CNTNAP2: variants seen among roughly 807,000 people sequenced by gnomAD.
The protein encoded by CNTNAP2 is contactin-associated protein-like 2.
CNTNAP2 carries 98 observed loss-of-function variants against 155.2 expected under a neutral mutation model. The ratio of observed to expected loss-of-function variants is 0.63; its 90% CI spans 0.54 to 0.75. The LOEUF is 0.75. CNTNAP2 is among the 30% of genes least tolerant of loss of function. CNTNAP2 has a pLI of 0.00. For missense variants in CNTNAP2, 1,727 were observed against 1,688.1 expected, an observed-to-expected ratio of 1.02 and a Z score of -0.40; for synonymous variants, 651 against 631.2, an observed-to-expected ratio of 1.03 and a Z score of -0.47.
chr7:146,387,641 G>T (rs768583106), intron 1 of CNTNAP2, among the ~76,000 whole-genome samples: 1 of 152,154 alleles, frequency 6.6e-6, no homozygotes, highest in Non-Finnish European at 1.5e-5. Flanking sequence ...AAACCCTACT[G>T]CATAGTAGAT....
intron 1 of CNTNAP2, among the ~76,000 whole-genome samples, chr7:146,179,784 A>G (rs1033520697): frequency 2.0e-5 from 3 of 152,168 alleles, no homozygotes; most frequent in Admixed American, 6.6e-5. Flanking sequence ...TAGAATATAG[A>G]TTAGTGACTA....
rs36015914 is a variant in CNTNAP2 at position 147,992,087 on chromosome 7, C to CTTTTTTTT, written c.2383+14116_2383+14123dup. Among the ~76,000 whole-genome samples the CTTTTTTTT allele has an allele frequency of 1.7e-3, 124 of 72,780 alleles. 12 individuals are homozygous for CTTTTTTTT. The highest frequency in any genetic ancestry group is 5.2e-3 in the African/African-American group (90 of 17,436). 47.7% of individuals were successfully genotyped at this position (72,780 alleles called of 152,430 possible). A position where few individuals can be genotyped will look rare whatever the true frequency, so the allele number is the denominator to read the frequency against. On this transcript the variant is annotated intron_variant, in intron 15 of 23. Coordinates refer to ENST00000361727, the MANE Select transcript of CNTNAP2 (RefSeq NM_014141.6). The stretch of plus-strand genomic sequence containing the variant: ...AAACATAAGATTTGTATTACTACCT[C>CTTTTTTTT]TTTTTTTTTTTTTTTTTTTTTTTTT...
At chr7:148,364,908 T>C (rs1201408638) in intron 21 of CNTNAP2, among the ~76,000 whole-genome samples, 1 of 152,162 alleles carries the variant, frequency 6.6e-6, no homozygotes, top group African/African-American at 2.4e-5. Context: ...TTTTATGAGC[T>C]GTAACACTCA....
At chr7:146,919,988 G>A (rs1293895183) in intron 3 of CNTNAP2, among the ~76,000 whole-genome samples, 1 of 152,098 alleles carries the variant, frequency 6.6e-6, no homozygotes, top group Non-Finnish European at 1.5e-5. Flanking sequence ...TCAACATATG[G>A]ATTCTGAGGA....
chr7:146,805,126 T>A (rs983478148), intron 2 of CNTNAP2, among the ~76,000 whole-genome samples: 2 of 152,064 alleles, frequency 1.3e-5, no homozygotes, highest in African/African-American at 4.8e-5. Context: ...AAGAAAGGAA[T>A]CATAGTGTTT....
intron 1 of CNTNAP2, among the ~76,000 whole-genome samples, chr7:146,277,580 C>G (rs1166098201): frequency 6.6e-6 from 1 of 152,174 alleles, no homozygotes; most frequent in Middle Eastern, 3.2e-3. Flanking sequence ...GATAATCCTG[C>G]TGCTTTGGAA....
intron 1 of CNTNAP2, among the ~76,000 whole-genome samples, chr7:146,453,279 A>G (rs572354557): frequency 1.1e-4 from 17 of 152,356 alleles, no homozygotes; most frequent in Admixed American, 1.0e-3. Flanking sequence ...AGCTCAAACT[A>G]TCTGCTGCTT....
intron 1 of CNTNAP2, among the ~76,000 whole-genome samples, chr7:146,462,309 T>C (rs1325597982): frequency 6.6e-6 from 1 of 152,232 alleles, no homozygotes; most frequent in Non-Finnish European, 1.5e-5. Flanking sequence ...TTTTCTTCTC[T>C]TTCTTCAAGA....
intron 4 of CNTNAP2, among the ~76,000 whole-genome samples, chr7:147,106,629 C>T (rs1008610136): frequency 6.6e-6 from 1 of 152,004 alleles, no homozygotes; most frequent in Admixed American, 6.6e-5. Context: ...TATTTAAAAG[C>T]ATAAATATTT....
At chr7:146,512,962 G>A (rs1479802449) in intron 1 of CNTNAP2, among the ~76,000 whole-genome samples, 1 of 151,816 alleles carries the variant, frequency 6.6e-6, no homozygotes, top group Non-Finnish European at 1.5e-5. Context: ...TAAATATGAG[G>A]CACTGTTGTG....
At chr7:147,004,354 A>C (rs1470177804) in intron 3 of CNTNAP2, among the ~76,000 whole-genome samples, 2 of 151,964 alleles carry the variant, frequency 1.3e-5, no homozygotes, top group African/African-American at 2.4e-5. Context: ...GAATATACAA[A>C]GTTCTAAAAA....
At chr7:146,132,410 T>G (rs887364459) in intron 1 of CNTNAP2, among the ~76,000 whole-genome samples, 1 of 152,086 alleles carries the variant, frequency 6.6e-6, no homozygotes, top group Non-Finnish European at 1.5e-5. Context: ...ATTTATTTAT[T>G]TGTTTATTTA....
At chr7:147,094,906 C>T (rs191076308) in intron 4 of CNTNAP2, among the ~76,000 whole-genome samples, 2 of 152,208 alleles carry the variant, frequency 1.3e-5, no homozygotes, top group Non-Finnish European at 2.9e-5. Flanking sequence ...CTGAGAAGTC[C>T]AAAATCTAGG....
intron 3 of CNTNAP2, among the ~76,000 whole-genome samples, chr7:146,859,217 C>T (rs1795049978): frequency 6.6e-6 from 1 of 152,200 alleles, no homozygotes; most frequent in African/African-American, 2.4e-5. Flanking sequence ...AGAGCAGAGT[C>T]AACTTTTATT....
chr7:146,858,119 C>G (rs1795027843), intron 3 of CNTNAP2, among the ~76,000 whole-genome samples: 1 of 152,106 alleles, frequency 6.6e-6, no homozygotes, highest in African/African-American at 2.4e-5. Flanking sequence ...ACAATTAGAT[C>G]TTGTTCTGGA....
intron 10 of CNTNAP2, among the ~76,000 whole-genome samples, chr7:147,429,092 G>T (rs1289365851): frequency 2.0e-5 from 3 of 151,836 alleles, no homozygotes; most frequent in Admixed American, 6.6e-5. Context: ...CCAGATTTCT[G>T]TGAATGCCAT....
intron 8 of CNTNAP2, among the ~76,000 whole-genome samples, chr7:147,216,629 G>T (rs1003522560): frequency 6.6e-6 from 1 of 151,790 alleles, no homozygotes; most frequent in Non-Finnish European, 1.5e-5. Flanking sequence ...CTTCAACTTT[G>T]TTCTTCTCCT....
intron 10 of CNTNAP2, among the ~76,000 whole-genome samples, chr7:147,475,840 G>A (rs1798310838): frequency 6.6e-6 from 1 of 152,098 alleles, no homozygotes; most frequent in Non-Finnish European, 1.5e-5. Context: ...TCACATGATA[G>A]CTGATTGTCT....
intron 1 of CNTNAP2, among the ~76,000 whole-genome samples, chr7:146,332,043 A>C (rs1321825110): frequency 6.6e-6 from 1 of 152,116 alleles, no homozygotes; most frequent in Non-Finnish European, 1.5e-5. Flanking sequence ...TTATGTAAAA[A>C]TATATATACA....
Sources: gnomAD v4.1 joint callset for allele counts (sites outside exome capture counted in the v4.1 genomes callset) on GRCh38, gnomAD v4.1.1 for gene constraint, MANE v1.5 for transcripts, NCBI Gene and HGNC (gene_info 2026-07-23, HGNC 2026-07-21) for gene names.